Variants in KCNJ16 observed in about 807,000 individuals in gnomAD.
KCNJ16 encodes the protein potassium inwardly rectifying channel subfamily J member 16, also known as inward rectifier potassium channel 16.
A neutral mutation model predicts 18.5 loss-of-function variants in KCNJ16; 15 were observed. The ratio of observed to expected loss-of-function variants is 0.81; its 90% CI spans 0.54 to 1.25. KCNJ16 has a LOEUF of 1.25. Among genes scored for constraint, KCNJ16 ranks in the 50% most tolerant of loss-of-function variants. The probability of loss-of-function intolerance (pLI) is 0.00; values close to 1 mark genes in which losing one functional copy is unlikely to be tolerated. For missense variants in KCNJ16, 523 were observed against 525.7 expected, an observed-to-expected ratio of 0.99 and a Z score of 0.05; for synonymous variants, 174 against 186.5, an observed-to-expected ratio of 0.93 and a Z score of 0.55.
chr17:70,088,378 C>T (rs940805733), intron 1 of KCNJ16, among the ~76,000 whole-genome samples: 4 of 152,190 alleles, frequency 2.6e-5, no homozygotes, highest in South Asian at 2.1e-4. Context: ...ATCCAGCAGG[C>T]GGAGGAGCTC....
intron 1 of KCNJ16, among the ~76,000 whole-genome samples, chr17:70,079,815 G>A (rs912647464): frequency 5.3e-5 from 8 of 152,110 alleles, no homozygotes; most frequent in African/African-American, 1.9e-4. Context: ...CAATTCTCTT[G>A]CCTCCGCTTC....
chr17:70,085,353 T>C (rs183157133), intron 1 of KCNJ16, among the ~76,000 whole-genome samples: 17 of 152,324 alleles, frequency 1.1e-4, no homozygotes, highest in African/African-American at 4.1e-4. Flanking sequence ...GACTTTATTT[T>C]TATGATAAGG....
rs1447360701 is a variant in KCNJ16 at position 70,083,371 on chromosome 17, A to G, written c.-300+7981A>G. ...GTATTGTGTGTATGTATGTATATAC[A>G]TACATATACACATATGGATGTGTAT... On this transcript the variant is annotated intron_variant, in intron 1 of 3. Coordinates refer to ENST00000392671, the MANE Select transcript of KCNJ16 (RefSeq NM_170741.4). Among the ~76,000 whole-genome samples the G allele has an allele frequency of 2.0e-5, 3 of 151,818 alleles. No individual in the cohort carries two copies. The East Asian group carries it at 5.8e-4, about 29-fold the overall frequency.
At chr17:70,111,920 C>T (rs1251266253) in intron 2 of KCNJ16, among the ~76,000 whole-genome samples, 2 of 152,148 alleles carry the variant, frequency 1.3e-5, no homozygotes, top group African/African-American at 4.8e-5. Context: ...ATATAAATTA[C>T]CCAGTCTCAG....
rs2144307947 is a variant in KCNJ16, at chr17:70,132,744, A to G, written c.657A>G (p.Gln219=). Residue 219 remains glutamine, a synonymous_variant, in exon 4 of 4, where the codon CAA becomes CAG. Coordinates refer to ENST00000392671, the MANE Select transcript of KCNJ16 (RefSeq NM_170741.4). ...TGGTAGAAGGAACAGTTAGAGCCCA[A>G]CTTCTCCGCTATACAGAAGACAGTG... ...NHVVEGTVRA[Q]LLRYTEDSEG... is the part of the protein sequence containing the mutation. 1 of 1,614,078 alleles carries G rather than the reference A, an allele frequency of 6.2e-7. No homozygotes were observed. Among genetic ancestry groups the G allele is most frequent in the Non-Finnish European group, 8.5e-7 (1 of 1,180,044 alleles).
At chr17:70,113,580 T>C (rs1453071197) in intron 2 of KCNJ16, among the ~76,000 whole-genome samples, 2 of 152,216 alleles carry the variant, frequency 1.3e-5, no homozygotes, top group Non-Finnish European at 2.9e-5. Context: ...CTTACCATCA[T>C]GGTTTCAGGG....
At chr17:70,107,547 A>C (rs2143947725) in intron 2 of KCNJ16, among the ~76,000 whole-genome samples, 1 of 152,234 alleles carries the variant, frequency 6.6e-6, no homozygotes, top group Middle Eastern at 3.4e-3. Flanking sequence ...TTTGAGCCCT[A>C]TGCAGAATTA....
intron 1 of KCNJ16, among the ~76,000 whole-genome samples, chr17:70,088,582 A>G (rs2071945574): frequency 6.6e-6 from 1 of 152,204 alleles, no homozygotes; most frequent in African/African-American, 2.4e-5. Context: ...CAGGGGATTA[A>G]AGCTTGTCAC....
intron 2 of KCNJ16, among the ~76,000 whole-genome samples, chr17:70,127,914 C>G (rs1026024838): frequency 5.9e-5 from 9 of 152,164 alleles, no homozygotes; most frequent in African/African-American, 2.2e-4. Context: ...TTTTGTGGTG[C>G]ATCTCAAAGT....
chr17:70,109,678 C>A (rs1004585983), intron 2 of KCNJ16, among the ~76,000 whole-genome samples: 6 of 152,236 alleles, frequency 3.9e-5, no homozygotes, highest in Admixed American at 6.5e-5. Flanking sequence ...TAGCTGGATG[C>A]GTCCCAAGAA....
At chr17:70,131,098 A>T in intron 3 of KCNJ16, 123 bp downstream of exon 3, 1 of 1,081,756 alleles carries the variant, frequency 9.2e-7, no homozygotes, top group Non-Finnish European at 1.4e-6. Context: ...AGAAGGGTTC[A>T]ATTGTAGCGT....
intron 2 of KCNJ16, chr17:70,102,099 C>A (rs1598124309): frequency 6.6e-6 from 1 of 151,832 alleles, no homozygotes; most frequent in South Asian, 2.1e-4. Flanking sequence ...ACATCACATG[C>A]ACAAAGGACC....
intron 2 of KCNJ16, among the ~76,000 whole-genome samples, chr17:70,105,671 C>A (rs1234279270): frequency 2.0e-5 from 3 of 152,190 alleles, no homozygotes; most frequent in African/African-American, 4.8e-5. Context: ...GCATTGAAAT[C>A]TGACTAAGTA....
At chr17:70,087,777 ATGTTGTT>A (rs753956589) in intron 1 of KCNJ16, among the ~76,000 whole-genome samples, 3 of 151,658 alleles carry the variant, frequency 2.0e-5, no homozygotes, top group African/African-American at 4.8e-5. Context: ...GCTACCACAA[ATGTTGTT>A]TGTTATTTTC....
intron 1 of KCNJ16, among the ~76,000 whole-genome samples, chr17:70,099,147 T>C (rs1567786596): frequency 6.6e-6 from 1 of 152,178 alleles, no homozygotes; most frequent in African/African-American, 2.4e-5. Context: ...ATCACAGCAG[T>C]ATTGATTGAT....
In KCNJ16 at chr17:70,133,116, A is replaced by G. The variant is rs923043050; in HGVS notation, c.1029A>G (p.Gln343=). 7.4e-6 allele frequency: 12 copies of G among 1,614,080 alleles called. No homozygotes were observed. The highest frequency in any genetic ancestry group is 1.1e-5 in the South Asian group (1 of 91,082). ...EVYAPFCSAK[Q]LDWKDQQLHI... is the part of the protein sequence containing the mutation. ...ATGCCCCCTTTTGCAGTGCCAAGCA[A>G]TTGGACTGGAAAGACCAGCAGCTCC... Residue 343 remains glutamine, a synonymous_variant, in exon 4 of 4, where the codon CAA becomes CAG. Transcript: ENST00000392671.
Position 70,132,308 on chromosome 17 carries a change from T to C in KCNJ16, c.221T>C (p.Phe74Ser), listed in dbSNP as rs769988686. ...GTGGACACCAAGTGGCGCCATATGT[T>C]TGTGATATTTTCTTTATCTTATATT... Reference protein sequence around the residue: ...TLVDTKWRHMFVIFSLSYILS... With the variant: ...TLVDTKWRHMSVIFSLSYILS... Residue 74 changes from phenylalanine (F) to serine (S), a missense_variant, in exon 4 of 4, where the codon TTT (phenylalanine) becomes TCT (serine). Coordinates refer to ENST00000392671, the MANE Select transcript of KCNJ16 (RefSeq NM_170741.4). 6 of 1,614,096 alleles carry C rather than the reference T, an allele frequency of 3.7e-6. No individual in the cohort carries two copies. The African/African-American group carries it at 6.7e-5, about 18-fold the overall frequency.
intron 2 of KCNJ16, among the ~76,000 whole-genome samples, chr17:70,123,509 G>A (rs1259972285): frequency 1.3e-5 from 2 of 152,160 alleles, no homozygotes; most frequent in African/African-American, 2.4e-5. Flanking sequence ...AGCTATCAGA[G>A]GAGAGAGATT....
intron 2 of KCNJ16, among the ~76,000 whole-genome samples, chr17:70,105,497 G>T (rs1490416907): frequency 6.6e-6 from 1 of 152,158 alleles, no homozygotes; most frequent in Admixed American, 6.5e-5. Flanking sequence ...CTGTTGCAAA[G>T]TGACAGCAAA....
Sources: gnomAD v4.1 joint callset for allele counts (sites outside exome capture counted in the v4.1 genomes callset) on GRCh38, gnomAD v4.1.1 for gene constraint, MANE v1.5 for transcripts, NCBI Gene and HGNC (gene_info 2026-07-23, HGNC 2026-07-21) for gene names.